EEF1D: variants seen among roughly 807,000 people sequenced by gnomAD.
The protein encoded by EEF1D is elongation factor 1-delta.
EEF1D carries 47 observed loss-of-function variants against 63.9 expected under a neutral mutation model. The ratio of observed to expected loss-of-function variants is 0.74; its 90% CI spans 0.58 to 0.94. EEF1D has a LOEUF of 0.94. Ranked by LOEUF, EEF1D falls within the 40% of genes least tolerant of loss-of-function variation. The pLI is 0.00. For missense variants in EEF1D, 907 were observed against 899.0 expected, an observed-to-expected ratio of 1.01 and a Z score of -0.11; for synonymous variants, 412 against 386.1, an observed-to-expected ratio of 1.07 and a Z score of -0.79.
chr8:143,585,381 G>T (rs1826376343), intron 5 of EEF1D, among the ~76,000 whole-genome samples: 1 of 152,164 alleles, frequency 6.6e-6, no homozygotes, highest in Non-Finnish European at 1.5e-5. Context: ...CAGAATCTGG[G>T]AGAGGCAAAG....
At chr8:143,580,455 C>T (rs375216848) in intron 8 of EEF1D, 51 bp downstream of exon 8, 89 of 1,577,712 alleles carry the variant, frequency 5.6e-5, no homozygotes, top group African/African-American at 4.2e-4. Flanking sequence ...GCCGGCTAGG[C>T]GGGCACCAGG....
intron 5 of EEF1D, among the ~76,000 whole-genome samples, chr8:143,585,629 G>A (rs913638718): frequency 6.6e-6 from 1 of 152,154 alleles, no homozygotes; most frequent in Non-Finnish European, 1.5e-5. Context: ...GGAACACCAG[G>A]GCTGCCACCT....
chr8:143,590,181 G>C, intron 2 of EEF1D, 100 bp from the exon 3 acceptor site: 2 of 1,539,470 alleles, frequency 1.3e-6, no homozygotes, highest in South Asian at 1.2e-5. Context: ...CCCTCCCCGT[G>C]GCTGCCCTCC....
At chr8:143,597,255 G>A (rs529888664) in intron 1 of EEF1D, 93 bp downstream of exon 1, 1 of 152,168 alleles carries the variant, frequency 6.6e-6, no homozygotes, top group South Asian at 2.1e-4. Flanking sequence ...CTAACGGCGC[G>A]AGCTTCTGGC....
At chr8:143,586,173 C>G (rs752561426) in intron 5 of EEF1D, 46 bp downstream of exon 5, 1 of 1,566,722 alleles carries the variant, frequency 6.4e-7, no homozygotes. Context: ...AGACATGCTG[C>G]TTGGCCGAGC....
intron 8 of EEF1D, 114 bp from the exon 9 acceptor site, chr8:143,580,320 G>T: frequency 7.7e-7 from 1 of 1,292,294 alleles, no homozygotes; most frequent in Non-Finnish European, 1.1e-6. Context: ...TTCCTTAAAG[G>T]GCCCACAGAA....
At chr8:143,592,477 C>T (rs1563991753) in intron 2 of EEF1D, among the ~76,000 whole-genome samples, 170 bp downstream of exon 2, 1 of 152,190 alleles carries the variant, frequency 6.6e-6, no homozygotes, top group Non-Finnish European at 1.5e-5. Flanking sequence ...CCACCTGCTG[C>T]TGCCCCATCC....
At position 143,590,617 on chromosome 8, in the gene EEF1D, A is replaced by C. The variant is rs1042181079; in HGVS notation, c.1-536T>G. 9 of 1,020,934 alleles carry C rather than the reference A, an allele frequency of 8.8e-6. No individual in the cohort carries two copies. The African/African-American group carries it at 1.5e-4, about 18-fold the overall frequency. The allele number at this position is 1,020,934 out of a possible 1,614,324, so 63.2% of individuals were successfully genotyped here. A position where few individuals can be genotyped will look rare whatever the true frequency, so the allele number is the denominator to read the frequency against. The stretch of plus-strand genomic sequence containing the variant: ...CCCTCAAAGTTCTTACAAAAGAAGG[A>C]GCCTCGGCCAGGCACGGTGGCTCAC... On this transcript the variant is annotated intron_variant, in intron 2 of 9. Transcript: ENST00000618139.
rs774592555 is a variant in EEF1D at position 143,589,006 on chromosome 8, G to A, written c.1076C>T (p.Ser359Phe). Residue 359 changes from serine (S) to phenylalanine (F), a missense_variant, in exon 3 of 10, where the codon TCC becomes TTC. Transcript: ENST00000618139. ...RPGPRSGLSV[S>F]SLRPNRKMAT... ...TTTCTCCTACTTGGGTCTCAGGCTG[G>A]ACACGGACAGGCCAGACCGAGGACC... The A allele has an allele frequency of 2.5e-6, 4 of 1,597,442 alleles. No homozygotes were observed. Among genetic ancestry groups the A allele is most frequent in the Non-Finnish European group, 3.4e-6 (4 of 1,179,328 alleles).
intron 3 of EEF1D, among the ~76,000 whole-genome samples, chr8:143,588,065 C>G (rs1827057529): frequency 6.6e-6 from 1 of 152,202 alleles, no homozygotes; most frequent in African/African-American, 2.4e-5. Context: ...CCAGGACACT[C>G]TCTCGGCAAG....
rs57193403 is a variant in EEF1D, at chr8:143,586,381, CAT to C, written c.1216-93_1216-92del. ...AACCAAAAAACCCCATGAACCCTCA[CAT>C]AGAGACAGCAAGAAAGTACTGCACA... On this transcript the variant is annotated intron_variant, in intron 4 of 9. Transcript: ENST00000618139. 1.9e-3 allele frequency: 2,306 copies of C among 1,207,722 alleles called. 22 individuals are homozygous for C. In the African/African-American group the frequency reaches 0.02, roughly 11 times the overall value. The allele number at this position is 1,207,722 out of a possible 1,614,324, so 74.8% of individuals were successfully genotyped here.
In EEF1D at chr8:143,581,217, C is replaced by G. The variant is rs1563953595; in HGVS notation, c.1387+12G>C. 6.2e-7 allele frequency: 1 copy of G among 1,612,820 alleles called. No individual in the cohort carries two copies. On this transcript the variant is annotated intron_variant, in intron 6 of 9. Coordinates refer to ENST00000618139, the MANE Select transcript of EEF1D (RefSeq NM_001130053.5). Reference sequence around the variant, plus strand: ...CCAGGGACAGCCCCAACCCACTGGCCCGGGGCCTCACCGCCACGCAGACTC... The same window carrying G: ...CCAGGGACAGCCCCAACCCACTGGCGCGGGGCCTCACCGCCACGCAGACTC...
chr8:143,583,371 C>T (rs1825925585), intron 5 of EEF1D: 1 of 152,296 alleles, frequency 6.6e-6, no homozygotes, highest in African/African-American at 2.4e-5. Flanking sequence ...CGACCACCTG[C>T]CTGTCCCAGA....
intron 2 of EEF1D, chr8:143,590,519 G>T: frequency 8.4e-7 from 1 of 1,188,794 alleles, no homozygotes; most frequent in Non-Finnish European, 1.0e-6. Flanking sequence ...ACCCCACCAT[G>T]GTGGCTGGTG....
chr8:143,595,861 A>T (rs1297394466), intron 1 of EEF1D, among the ~76,000 whole-genome samples: 1 of 152,226 alleles, frequency 6.6e-6, no homozygotes, highest in African/African-American at 2.4e-5. Context: ...CTTGGCTGTC[A>T]GCGAGGTGGG....
intron 5 of EEF1D, among the ~76,000 whole-genome samples, chr8:143,585,271 C>T (rs763670817): frequency 2.6e-5 from 4 of 152,074 alleles, no homozygotes; most frequent in Non-Finnish European, 5.9e-5. Flanking sequence ...AGTGACAGAG[C>T]GAGGCAGGAG....
chr8:143,581,447 C>A, intron 5 of EEF1D, 119 bp from the exon 6 acceptor site: 2 of 862,294 alleles, frequency 2.3e-6, no homozygotes, highest in Non-Finnish European at 3.5e-6. Flanking sequence ...GCAGGAGGTG[C>A]CCCCCGCTGA....
chr8:143,589,108 G>C lies in EEF1D; in HGVS notation c.974C>G (p.Ala325Gly). Residue 325 changes from alanine to glycine, a missense_variant, in exon 3 of 10, where the codon GCC (alanine) becomes GGC (glycine). Transcript: ENST00000618139. The stretch of plus-strand genomic sequence containing the variant: ...CTCGGCAGCGTGGTGGCGGCACTCG[G>C]CGCTGTCGTAGGCAGGCTTGCTGAG... ...PWLSKPAYDS[A>G]ECRHHAAEAL... 4 of 1,610,284 alleles carry C rather than the reference G, an allele frequency of 2.5e-6. No homozygotes were observed. The highest frequency in any genetic ancestry group is 3.4e-6 in the Non-Finnish European group (4 of 1,179,162).
intron 2 of EEF1D, 76 bp from the exon 3 acceptor site, chr8:143,590,157 C>G: frequency 6.3e-7 from 1 of 1,585,070 alleles, no homozygotes; most frequent in Non-Finnish European, 8.5e-7. Flanking sequence ...CCGTGCCCAC[C>G]CTCCCCGTGC....
Sources: gnomAD v4.1 joint callset for allele counts (sites outside exome capture counted in the v4.1 genomes callset) on GRCh38, gnomAD v4.1.1 for gene constraint, MANE v1.5 for transcripts, NCBI Gene and HGNC (gene_info 2026-07-23, HGNC 2026-07-21) for gene names.